Variants in DIAPH3 observed in about 807,000 individuals in gnomAD.
The protein encoded by DIAPH3 is diaphanous related formin 3.
A neutral mutation model predicts 144.3 loss-of-function variants in DIAPH3; 117 were observed. The observed-to-expected ratio is 0.81, with a 90% CI of 0.70 to 0.95. The LOEUF (loss-of-function observed/expected upper bound fraction) is 0.95, where lower values mean the gene tolerates loss of function less well. DIAPH3 is among the 40% of genes least tolerant of loss of function. The probability of loss-of-function intolerance (pLI) is 0.00; values close to 1 mark genes in which losing one functional copy is unlikely to be tolerated. For missense variants in DIAPH3, 1,421 were observed against 1,412.7 expected (o/e 1.01, Z -0.09); for synonymous variants, 519 against 488.9 (o/e 1.06, Z -0.81).
chr13:60,001,119 C>T (rs2052502932), intron 9 of DIAPH3, among the ~76,000 whole-genome samples: 1 of 152,154 alleles, frequency 6.6e-6, no homozygotes, highest in African/African-American at 2.4e-5. Flanking sequence ...TGGAAAACAG[C>T]ATATCTCTCC....
chr13:59,777,717 A>G (rs968108968), intron 25 of DIAPH3, among the ~76,000 whole-genome samples: 1 of 152,204 alleles, frequency 6.6e-6, no homozygotes, highest in African/African-American at 2.4e-5. Flanking sequence ...ACAATCATAG[A>G]AGTCCAAAGT....
chr13:59,953,708 T>C (rs1418864980), intron 17 of DIAPH3, among the ~76,000 whole-genome samples: 1 of 152,166 alleles, frequency 6.6e-6, no homozygotes, highest in African/African-American at 2.4e-5. Context: ...AATAGCTAGA[T>C]ACACAAGTTA....
At chr13:59,747,745 CTA>C (rs2036779694) in intron 27 of DIAPH3, among the ~76,000 whole-genome samples, 1 of 152,218 alleles carries the variant, frequency 6.6e-6, no homozygotes, top group African/African-American at 2.4e-5. Context: ...TGAATGACAT[CTA>C]TGACTGCATT....
At chr13:60,056,275 G>A (rs1034937389) in intron 4 of DIAPH3, among the ~76,000 whole-genome samples, 1 of 150,848 alleles carries the variant, frequency 6.6e-6, no homozygotes, top group Non-Finnish European at 1.5e-5. Flanking sequence ...ATAGAAAAGA[G>A]AGAGAGGAGA....
intron 25 of DIAPH3, among the ~76,000 whole-genome samples, chr13:59,810,212 T>C (rs371107679): frequency 6.6e-6 from 1 of 152,050 alleles, no homozygotes; most frequent in Admixed American, 6.6e-5. Flanking sequence ...CAGGCTGGAG[T>C]GCAGTGTCAA....
chr13:60,107,188 T>C (rs1416288680), intron 3 of DIAPH3, among the ~76,000 whole-genome samples: 5 of 152,028 alleles, frequency 3.3e-5, no homozygotes, highest in Admixed American at 2.0e-4. Context: ...TATGGGGCAT[T>C]GAATCAGCAA....
At chr13:59,830,683 C>T (rs1208712102) in intron 24 of DIAPH3, among the ~76,000 whole-genome samples, 1 of 151,850 alleles carries the variant, frequency 6.6e-6, no homozygotes, top group Non-Finnish European at 1.5e-5. Context: ...GATCTATTTA[C>T]CTCTATTATA....
chr13:59,798,283 T>C (rs184807936), intron 25 of DIAPH3, among the ~76,000 whole-genome samples: 6 of 152,302 alleles, frequency 3.9e-5, no homozygotes, highest in Admixed American at 2.6e-4. Flanking sequence ...CAGAGCCATT[T>C]CTCTAAAAGC....
chr13:60,016,210 A>G, intron 5 of DIAPH3, 65 bp from the exon 6 acceptor site: 1 of 1,363,456 alleles, frequency 7.3e-7, no homozygotes, highest in Non-Finnish European at 1.0e-6. Flanking sequence ...CATATTATAT[A>G]CCTACAAGTA....
intron 2 of DIAPH3, among the ~76,000 whole-genome samples, chr13:60,123,047 C>T (rs1013671388): frequency 2.0e-5 from 3 of 152,240 alleles, no homozygotes; most frequent in South Asian, 2.1e-4. Flanking sequence ...CATCAATAAT[C>T]GCTTTCTACT....
At chr13:59,697,687 G>A (rs2033894720) in intron 27 of DIAPH3, among the ~76,000 whole-genome samples, 1 of 152,058 alleles carries the variant, frequency 6.6e-6, no homozygotes, top group East Asian at 1.9e-4. Flanking sequence ...ATTCTTCCCT[G>A]TGAGGCCCAC....
At chr13:60,140,785 AATGT>A (rs1250767910) in intron 1 of DIAPH3, among the ~76,000 whole-genome samples, 4 of 151,882 alleles carry the variant, frequency 2.6e-5, no homozygotes, top group African/African-American at 9.7e-5. Flanking sequence ...TTCAAATAAA[AATGT>A]ATGTATTAGT....
chr13:59,874,809 T>C (rs544177356), intron 21 of DIAPH3, among the ~76,000 whole-genome samples: 7 of 152,220 alleles, frequency 4.6e-5, no homozygotes, highest in Non-Finnish European at 1.0e-4. Flanking sequence ...AGGAAGTCAG[T>C]TGATTCAATC....
intron 27 of DIAPH3, among the ~76,000 whole-genome samples, chr13:59,764,583 G>A (rs542306129): frequency 2.7e-5 from 4 of 147,210 alleles, no homozygotes; most frequent in Non-Finnish European, 6.0e-5. Flanking sequence ...GTAAACTCAG[G>A]GTCATACTAG....
chr13:60,084,007 CAGATAGATAGATAGAT>C (rs71089524), intron 4 of DIAPH3, among the ~76,000 whole-genome samples: 193 of 136,554 alleles, frequency 1.4e-3, no homozygotes, highest in African/African-American at 3.0e-3. Context: ...GATAGATAGA[CAGATAGATAGATAGAT>C]AGATAGATAG....
At chr13:59,969,619 T>A (rs796469856) in intron 17 of DIAPH3, among the ~76,000 whole-genome samples, 1 of 152,162 alleles carries the variant, frequency 6.6e-6, no homozygotes, top group East Asian at 1.9e-4. Flanking sequence ...TTTCTATTTT[T>A]CAAACTGAAG....
At chr13:60,026,682 C>A (rs1566677190) in intron 5 of DIAPH3, among the ~76,000 whole-genome samples, 1 of 152,060 alleles carries the variant, frequency 6.6e-6, no homozygotes, top group Non-Finnish European at 1.5e-5. Flanking sequence ...TTTAACCAAC[C>A]AACCAACGGT....
chr13:59,700,263 A>G (rs1484430051), intron 27 of DIAPH3, among the ~76,000 whole-genome samples: 1 of 152,162 alleles, frequency 6.6e-6, no homozygotes, highest in Non-Finnish European at 1.5e-5. Context: ...TTATCCAGCA[A>G]TTACTCAGCT....
At chr13:60,043,381 TGG>T (rs2055830385) in intron 4 of DIAPH3, among the ~76,000 whole-genome samples, 2 of 152,192 alleles carry the variant, frequency 1.3e-5, no homozygotes, top group African/African-American at 4.8e-5. Context: ...ACATCTAACT[TGG>T]CAGAACAGAT....
Sources: allele counts gnomAD v4.1 joint callset (sites outside exome capture counted in the v4.1 genomes callset), GRCh38; gene constraint gnomAD v4.1.1; transcripts MANE v1.5; gene names NCBI Gene and HGNC (gene_info 2026-07-23, HGNC 2026-07-21).